Variants in RCAN2 observed in about 807,000 individuals in gnomAD.
RCAN2 encodes regulator of calcineurin 2.
A neutral mutation model predicts 23.6 loss-of-function variants in RCAN2; 9 were observed. The observed-to-expected ratio is 0.38, with a 90% CI of 0.23 to 0.67. RCAN2 has a LOEUF of 0.67. Among genes scored for constraint, RCAN2 ranks in the 30% least tolerant of loss-of-function variants. The pLI, the probability that RCAN2 is intolerant of heterozygous loss-of-function variation, is 0.51. For missense variants in RCAN2, 273 were observed against 302.3 expected, an observed-to-expected ratio of 0.90 and a Z score of 0.72; for synonymous variants, 109 against 115.7, an observed-to-expected ratio of 0.94 and a Z score of 0.37.
chr6:46,267,200 A>G (rs551623563), intron 2 of RCAN2, among the ~76,000 whole-genome samples: 1 of 152,316 alleles, frequency 6.6e-6, no homozygotes, highest in South Asian at 2.1e-4. Context: ...TCTAGCTTTG[A>G]ATGATATTGT....
intron 2 of RCAN2, among the ~76,000 whole-genome samples, chr6:46,355,368 C>G (rs978090370): frequency 7.9e-5 from 12 of 152,150 alleles, no homozygotes; most frequent in Admixed American, 7.2e-4. Context: ...CAGTGTTTAT[C>G]AGAAGCCACT....
intron 2 of RCAN2, among the ~76,000 whole-genome samples, chr6:46,437,481 A>G (rs190834709): frequency 2.0e-5 from 3 of 152,338 alleles, no homozygotes; most frequent in African/African-American, 7.2e-5. Flanking sequence ...GGTGTTCACA[A>G]ACCAAATGTA....
At chr6:46,393,401 T>C (rs1056435237) in intron 2 of RCAN2, among the ~76,000 whole-genome samples, 6 of 152,136 alleles carry the variant, frequency 3.9e-5, no homozygotes, top group Admixed American at 6.5e-5. Context: ...ATTGAAGCAC[T>C]TGATGCAGTG....
intron 2 of RCAN2, among the ~76,000 whole-genome samples, chr6:46,257,888 G>C (rs1254052613): frequency 1.3e-5 from 2 of 152,182 alleles, no homozygotes; most frequent in African/African-American, 4.8e-5. Flanking sequence ...GCAGAGGAGT[G>C]AGAAGTCTCC....
chr6:46,239,849 C>A (rs931124724), intron 4 of RCAN2, among the ~76,000 whole-genome samples: 1 of 152,062 alleles, frequency 6.6e-6, no homozygotes, highest in Non-Finnish European at 1.5e-5. Context: ...TTATCTTCAA[C>A]CCTTCCTGAG....
chr6:46,471,439 A>G (rs1190863611), intron 1 of RCAN2, among the ~76,000 whole-genome samples: 3 of 152,158 alleles, frequency 2.0e-5, no homozygotes, highest in Admixed American at 6.5e-5. Flanking sequence ...TACACGTGGT[A>G]TTTGCTGATG....
At chr6:46,449,168 T>C (rs1767802636) in intron 2 of RCAN2, among the ~76,000 whole-genome samples, 1 of 151,782 alleles carries the variant, frequency 6.6e-6, no homozygotes, top group African/African-American at 2.4e-5. Flanking sequence ...ATCAGTAGCA[T>C]TTCTATATAC....
intron 1 of RCAN2, among the ~76,000 whole-genome samples, chr6:46,481,121 T>C (rs934596621): frequency 1.3e-5 from 2 of 152,146 alleles, no homozygotes; most frequent in Non-Finnish European, 2.9e-5. Context: ...GATGAATGAG[T>C]AGGTGCAGTC....
chr6:46,409,465 C>CTA (rs1245305486), intron 2 of RCAN2, among the ~76,000 whole-genome samples: 1 of 152,188 alleles, frequency 6.6e-6, no homozygotes, highest in African/African-American at 2.4e-5. Flanking sequence ...AATACACAAA[C>CTA]TATATATACA....
At chr6:46,229,856 G>A (rs1305077845) in intron 4 of RCAN2, among the ~76,000 whole-genome samples, 2 of 152,174 alleles carry the variant, frequency 1.3e-5, no homozygotes, top group Admixed American at 6.5e-5. Flanking sequence ...GAGGTGCTCT[G>A]ATTTTTAGAA....
chr6:46,259,064 T>C (rs1469033477), intron 2 of RCAN2, among the ~76,000 whole-genome samples: 1 of 152,026 alleles, frequency 6.6e-6, no homozygotes, highest in East Asian at 1.9e-4. Context: ...TGCGCACCTG[T>C]GGACTCAGCC....
At chr6:46,291,615 T>C (rs1159619613) in intron 2 of RCAN2, among the ~76,000 whole-genome samples, 1 of 151,686 alleles carries the variant, frequency 6.6e-6, no homozygotes, top group Non-Finnish European at 1.5e-5. Flanking sequence ...AACAACAAAA[T>C]TCATAGAAAT....
At chr6:46,349,223 T>C (rs1764576621) in intron 2 of RCAN2, among the ~76,000 whole-genome samples, 1 of 152,142 alleles carries the variant, frequency 6.6e-6, no homozygotes, top group African/African-American at 2.4e-5. Context: ...GAAACCAGAA[T>C]ATCTAAGAAT....
chr6:46,458,668 T>C (rs1483031820), intron 1 of RCAN2, among the ~76,000 whole-genome samples: 1 of 152,164 alleles, frequency 6.6e-6, no homozygotes, highest in Non-Finnish European at 1.5e-5. Context: ...GAAAAACATG[T>C]AATAGCATTA....
chr6:46,379,761 A>G (rs1765572000), intron 2 of RCAN2, among the ~76,000 whole-genome samples: 1 of 152,144 alleles, frequency 6.6e-6, no homozygotes, highest in South Asian at 2.1e-4. Context: ...TCCAACCTTT[A>G]GAGAAAGTGT....
At chr6:46,256,442 A>G (rs1766920230) in intron 2 of RCAN2, among the ~76,000 whole-genome samples, 1 of 152,100 alleles carries the variant, frequency 6.6e-6, no homozygotes, top group East Asian at 1.9e-4. Context: ...GAAGATGTGC[A>G]TGTGCTGCTT....
intron 2 of RCAN2, among the ~76,000 whole-genome samples, chr6:46,299,608 G>T (rs148247853): frequency 0.011 from 1,724 of 151,988 alleles, 33 homozygotes; most frequent in African/African-American, 0.039. Context: ...TTTTATAGAT[G>T]AAAACCTATC....
At position 46,273,927 on chromosome 6, in the gene RCAN2, T is replaced by G. The variant is rs549552788; in HGVS notation, c.226-25031A>C. Among the ~76,000 whole-genome samples, 145 of 152,270 alleles carry G rather than the reference T, an allele frequency of 9.5e-4. 1 individual carries two copies. Among genetic ancestry groups the G allele is most frequent in the African/African-American group, 3.2e-3 (135 of 41,560 alleles). On this transcript the variant is annotated intron_variant, in intron 2 of 4. Coordinates refer to ENST00000371374, the MANE Select transcript of RCAN2 (RefSeq NM_001251974.2). The stretch of plus-strand genomic sequence containing the variant: ...CAAGCCTAATCCTTGCATTTTGTTC[T>G]TAGGGCAAAGTTGGCCTGTAGTCGT...
intron 2 of RCAN2, among the ~76,000 whole-genome samples, chr6:46,393,117 T>G (rs1490883349): frequency 6.6e-6 from 1 of 152,204 alleles, no homozygotes; most frequent in Non-Finnish European, 1.5e-5. Flanking sequence ...AAAACTTCAT[T>G]ACTGGCCAGA....
Sources: allele counts gnomAD v4.1 joint callset (sites outside exome capture counted in the v4.1 genomes callset), GRCh38; gene constraint gnomAD v4.1.1; transcripts MANE v1.5; gene names NCBI Gene and HGNC (gene_info 2026-07-23, HGNC 2026-07-21).